DRAM1: variants seen among roughly 807,000 people sequenced by gnomAD.
DRAM1 encodes the protein DNA damage-regulated autophagy modulator protein 1.
Under a neutral mutation model 28.5 loss-of-function variants are expected in DRAM1, and 25 were observed. The ratio of observed to expected loss-of-function variants is 0.88; its 90% confidence interval spans 0.64 to 1.23. The LOEUF is 1.23. DRAM1 is among the 50% of genes most tolerant of loss of function. The pLI is 0.00. For synonymous variants in DRAM1, 113 were observed against 114.2 expected, an observed-to-expected ratio of 0.99 and a Z score of 0.07; for missense variants, 249 against 299.2, an observed-to-expected ratio of 0.83 and a Z score of 1.24.
chr12:101,914,233 G>A lies in DRAM1; in HGVS notation c.579+1G>A. 6.2e-7 allele frequency: 1 copy of A among 1,606,784 alleles called. No homozygotes were observed. The highest frequency in any genetic ancestry group is 1.7e-5 in the Admixed American group (1 of 57,974). ...GCTGGAGTGGAATCCAAGAGAAAAG[G>A]TAACATTTAAGTTGTTGTGAATGTG... On this transcript the variant is annotated splice_donor_variant, in intron 5 of 6. Coordinates refer to ENST00000258534, the MANE Select transcript of DRAM1 (RefSeq NM_018370.3). LOFTEE classifies it high-confidence loss of function.
chr12:101,904,683 C>T (rs1873737832), intron 3 of DRAM1, among the ~76,000 whole-genome samples: 2 of 151,898 alleles, frequency 1.3e-5, no homozygotes, highest in African/African-American at 4.8e-5. Flanking sequence ...CCTCGTGATC[C>T]ACCTGCCTCG....
At chr12:101,883,295 T>A (rs1022585555) in intron 1 of DRAM1, among the ~76,000 whole-genome samples, 7 of 134,856 alleles carry the variant, frequency 5.2e-5, no homozygotes, top group Non-Finnish European at 1.1e-4. Flanking sequence ...CTTTTTTGTT[T>A]TATTTTTTAC....
intron 3 of DRAM1, among the ~76,000 whole-genome samples, chr12:101,902,148 A>C (rs1314556972): frequency 6.6e-6 from 1 of 152,192 alleles, no homozygotes; most frequent in Admixed American, 6.6e-5. Context: ...TTATATTTTT[A>C]TGACAGTATG....
At chr12:101,883,950 AAT>A (rs1308931312) in intron 1 of DRAM1, among the ~76,000 whole-genome samples, 1 of 152,070 alleles carries the variant, frequency 6.6e-6, no homozygotes, top group African/African-American at 2.4e-5. Flanking sequence ...AAAAAAAATA[AAT>A]AAATACAAAA....
chr12:101,897,384 G>T (rs1329966820), intron 1 of DRAM1, among the ~76,000 whole-genome samples: 1 of 151,336 alleles, frequency 6.6e-6, no homozygotes, highest in Non-Finnish European at 1.5e-5. Flanking sequence ...ATTTTTAGTA[G>T]AGATGGGGGT....
intron 1 of DRAM1, among the ~76,000 whole-genome samples, chr12:101,894,928 G>A (rs1224224074): frequency 1.3e-5 from 2 of 152,170 alleles, no homozygotes; most frequent in East Asian, 1.9e-4. Flanking sequence ...TCTAGGATGA[G>A]TCACCTGGTG....
At chr12:101,903,031 G>T (rs1277187460) in intron 3 of DRAM1, among the ~76,000 whole-genome samples, 1 of 151,838 alleles carries the variant, frequency 6.6e-6, no homozygotes, top group Admixed American at 6.6e-5. Flanking sequence ...TGATTCTCAT[G>T]CCTCAGCCTC....
At chr12:101,890,616 G>A (rs992605762) in intron 1 of DRAM1, among the ~76,000 whole-genome samples, 3 of 132,266 alleles carry the variant, frequency 2.3e-5, no homozygotes, top group Admixed American at 7.6e-5. Flanking sequence ...TGAACAAGAG[G>A]GAACTCTGAT....
intron 4 of DRAM1, among the ~76,000 whole-genome samples, chr12:101,911,012 G>A (rs1874022721): frequency 6.6e-6 from 1 of 152,038 alleles, no homozygotes. Context: ...GAGGCAGGTG[G>A]ATCACTTGAG....
chr12:101,917,253 G>A (rs2121168738), intron 5 of DRAM1, among the ~76,000 whole-genome samples: 1 of 152,330 alleles, frequency 6.6e-6, no homozygotes, highest in Middle Eastern at 3.4e-3. Flanking sequence ...GGAGGTAAGA[G>A]GTAAAGGAGG....
intron 3 of DRAM1, among the ~76,000 whole-genome samples, chr12:101,906,107 A>C (rs966095177): frequency 8.5e-5 from 13 of 152,198 alleles, no homozygotes; most frequent in African/African-American, 3.1e-4. Flanking sequence ...TATCTTAGGT[A>C]TACAGAAACT....
intron 1 of DRAM1, among the ~76,000 whole-genome samples, chr12:101,888,100 C>A (rs1004927064): frequency 7.2e-5 from 11 of 152,046 alleles, no homozygotes; most frequent in African/African-American, 2.7e-4. Flanking sequence ...GGTAGGCATG[C>A]CATTTAAAAC....
At chr12:101,892,499 C>T (rs1873177214) in intron 1 of DRAM1, among the ~76,000 whole-genome samples, 1 of 151,834 alleles carries the variant, frequency 6.6e-6, no homozygotes, top group African/African-American at 2.4e-5. Flanking sequence ...AGTGATCCAC[C>T]TGCCTCGGCC....
intron 1 of DRAM1, chr12:101,890,343 G>C (rs570039128): frequency 4.1e-6 from 1 of 246,770 alleles, no homozygotes; most frequent in Non-Finnish European, 8.1e-6. Context: ...GCCTCCCAAA[G>C]TGCTGGGATG....
At chr12:101,920,266 A>AT in intron 6 of DRAM1, 65 bp downstream of exon 6, 1 of 1,182,264 alleles carries the variant, frequency 8.5e-7, no homozygotes, top group Non-Finnish European at 1.2e-6. Context: ...AATTTGCAGA[A>AT]GACATTTTGC....
intron 1 of DRAM1, among the ~76,000 whole-genome samples, chr12:101,892,955 T>C (rs1296924885): frequency 6.6e-6 from 1 of 152,208 alleles, no homozygotes; most frequent in East Asian, 1.9e-4. Context: ...GAATTTTTGT[T>C]GTGTCAACAC....
intron 3 of DRAM1, 92 bp from the exon 4 acceptor site, chr12:101,908,094 C>T (rs1000471785): frequency 2.8e-6 from 3 of 1,088,362 alleles, no homozygotes; most frequent in Non-Finnish European, 3.9e-6. Context: ...CTGTGATGAC[C>T]AATGGCTCAA....
chr12:101,888,468 A>G (rs527405784), intron 1 of DRAM1, among the ~76,000 whole-genome samples: 1 of 152,206 alleles, frequency 6.6e-6, no homozygotes, highest in African/African-American at 2.4e-5. Context: ...TTATAATTGA[A>G]TATTGATTTC....
intron 1 of DRAM1, among the ~76,000 whole-genome samples, chr12:101,893,552 G>C (rs1441355408): frequency 6.6e-6 from 1 of 152,186 alleles, no homozygotes; most frequent in Non-Finnish European, 1.5e-5. Flanking sequence ...AAGTCAGGGA[G>C]TTAAACATCT....
Sources: allele counts gnomAD v4.1 joint callset (sites outside exome capture counted in the v4.1 genomes callset), GRCh38; gene constraint gnomAD v4.1.1; transcripts MANE v1.5; gene names NCBI Gene and HGNC (gene_info 2026-07-23, HGNC 2026-07-21).